Variants in CARS1 observed in about 807,000 individuals in gnomAD.
CARS1 encodes the protein cysteine--tRNA ligase, cytoplasmic.
Under a neutral mutation model 106.2 loss-of-function variants are expected in CARS1, and 48 were observed. The ratio of observed to expected loss-of-function variants is 0.45; its 90% CI spans 0.36 to 0.57. The LOEUF is 0.57. Ranked by LOEUF, CARS1 falls within the 20% of genes least tolerant of loss-of-function variation. The probability of loss-of-function intolerance (pLI) is 0.00; values close to 1 mark genes in which losing one functional copy is unlikely to be tolerated. For synonymous variants in CARS1, 409 were observed against 403.4 expected, an observed-to-expected ratio of 1.01 and a Z score of -0.17; for missense variants, 968 against 1,057.2, an observed-to-expected ratio of 0.92 and a Z score of 1.17.
In CARS1 at chr11:3,008,603, G is replaced by T. The variant is rs1360503652; in HGVS notation, c.2069-1644C>A. 1 of 148,030 alleles carries T rather than the reference G, an allele frequency of 6.8e-6. No homozygotes were observed. The highest frequency in any genetic ancestry group is 1.5e-5 in the Non-Finnish European group (1 of 67,488). The allele number at this position is 148,030 out of a possible 1,614,324, so 9.2% of individuals were successfully genotyped here. On this transcript the variant is annotated intron_variant, in intron 18 of 22. Coordinates refer to ENST00000380525, the MANE Select transcript of CARS1 (RefSeq NM_001014437.3). The surrounding 1 kb of genome is among the most constrained non-coding windows in gnomAD (Gnocchi z 5.1). The stretch of plus-strand genomic sequence containing the variant: ...CACTGCACTCCAGCCTAGCGACAGG[G>T]CAAGACTCCATCTCAAAAAAAAAAA...
At chr11:3,042,401 A>G in intron 2 of CARS1, 145 bp from the exon 3 acceptor site, 1 of 599,456 alleles carries the variant, frequency 1.7e-6, no homozygotes, top group South Asian at 2.0e-5. Flanking sequence ...AATCTCGGTC[A>G]ACATTACGCA....
At chr11:3,006,744 C>T in intron 19 of CARS1, 135 bp downstream of exon 19, 1 of 776,788 alleles carries the variant, frequency 1.3e-6, no homozygotes, top group Non-Finnish European at 2.3e-6. Context: ...CGCCGGGGGA[C>T]CCATGGGGCT....
Position 3,034,517 on chromosome 11 carries a change from G to A in CARS1, c.801+3533C>T, listed in dbSNP as rs1396928361. ...ATTACAGGCGTGACCCACTGCGCCT[G>A]GCCGGGAATGGGTAAAATTTTTTTT... On this transcript the variant is annotated intron_variant, in intron 7 of 22. Transcript: ENST00000380525. The surrounding 1 kb of genome is among the most constrained non-coding windows in gnomAD (Gnocchi z 6.3). Among the ~76,000 whole-genome samples the A allele has an allele frequency of 6.6e-6, 1 of 150,758 alleles. No individual in the cohort carries two copies. The highest frequency in any genetic ancestry group is 2.4e-5 in the African/African-American group (1 of 40,884).
At position 3,037,935 on chromosome 11, in the gene CARS1, A is replaced by G; in HGVS notation, c.801+115T>C. The stretch of plus-strand genomic sequence containing the variant: ...CTGCCACAGTGGAGCTACTGGAGAC[A>G]CAGAGTGTCTTCCACTAAGACAATC... On this transcript the variant is annotated intron_variant, in intron 7 of 22. Coordinates refer to ENST00000380525, the MANE Select transcript of CARS1 (RefSeq NM_001014437.3). This position sits in a 1 kb window ranked among gnomAD's most constrained non-coding sequence, Gnocchi z 5.9. The G allele has an allele frequency of 9.2e-7, 1 of 1,092,114 alleles. No individual in the cohort carries two copies. The highest frequency in any genetic ancestry group is 1.3e-6 in the Non-Finnish European group (1 of 761,436). The allele number at this position is 1,092,114 out of a possible 1,614,324, so 67.7% of individuals were successfully genotyped here.
In CARS1 at chr11:3,043,335, G is replaced by A. The variant is rs1173991778; in HGVS notation, c.275-1079C>T. Among the ~76,000 whole-genome samples, 1 of 152,016 alleles carries A rather than the reference G, an allele frequency of 6.6e-6. No individual in the cohort carries two copies. The highest frequency in any genetic ancestry group is 1.9e-4 in the East Asian group (1 of 5,178). Reference sequence around the variant, plus strand: ...TCAATCTGGCAAAGCTAGGTGTGGAGGACGGTACCTGGTGACTTTCCCGTT... The same window carrying A: ...TCAATCTGGCAAAGCTAGGTGTGGAAGACGGTACCTGGTGACTTTCCCGTT... On this transcript the variant is annotated intron_variant, in intron 2 of 22. Transcript: ENST00000380525. This position sits in a 1 kb window ranked among gnomAD's most constrained non-coding sequence, Gnocchi z 4.0.
intron 10 of CARS1, among the ~76,000 whole-genome samples, chr11:3,026,443 G>A (rs1325453621): frequency 1.3e-5 from 2 of 152,272 alleles, no homozygotes; most frequent in African/African-American, 2.4e-5. Flanking sequence ...GACATCACAT[G>A]TTCCCCATAA....
intron 7 of CARS1, among the ~76,000 whole-genome samples, chr11:3,032,197 C>A (rs1450694231): frequency 6.6e-6 from 1 of 151,690 alleles, no homozygotes; most frequent in African/African-American, 2.4e-5. Context: ...CTCAGCCTCC[C>A]GAGTAGAAGG....
rs148488935 is a variant in CARS1 at position 3,015,838 on chromosome 11, G to A, written c.1929C>T (p.Ala643=). 44 of 1,613,940 alleles carry A rather than the reference G, an allele frequency of 2.7e-5. No homozygotes were observed. The highest frequency in any genetic ancestry group is 2.7e-4 in the Admixed American group (16 of 60,004). ...ATCCCAGGGAGCTGTCCTCTTCTAC[G>A]GCCCCAAAGATCTAGGAAAAGAAAC... The part of the protein sequence containing the change: ...YLTHMLKIFG[A]VEEDSSLGFP... Residue 643 remains alanine, a synonymous_variant, in exon 17 of 23, where the codon GCC becomes GCT. Transcript: ENST00000380525.
chr11:3,038,360 A>T lies in CARS1; in HGVS notation c.652-161T>A, dbSNP rs556698203. Among the ~76,000 whole-genome samples, 21 of 152,326 alleles carry T rather than the reference A, an allele frequency of 1.4e-4. No homozygotes were observed. Among genetic ancestry groups the T allele is most frequent in the African/African-American group, 4.8e-4 (20 of 41,568 alleles). On this transcript the variant is annotated intron_variant, in intron 6 of 22. Transcript: ENST00000380525. This position sits in a 1 kb window ranked among gnomAD's most constrained non-coding sequence, Gnocchi z 4.0. ...GCCAGGCAGTAAGGAACTAAGAGAG[A>T]CTGAAGCTCCCGGCTCAGGAGCTCC...
At position 3,052,829 on chromosome 11, in the gene CARS1, G is replaced by C. The variant is rs577335508; in HGVS notation, c.25+4514C>G. On this transcript the variant is annotated intron_variant, in intron 1 of 22. Transcript: ENST00000380525. The surrounding 1 kb of genome is among the most constrained non-coding windows in gnomAD (Gnocchi z 4.6). ...TCAGTCTGATGCTGAGATCAGATGAGAACACTTCTGAGCAGACTGAAAACC... is the reference window on the plus strand; with the variant it reads ...TCAGTCTGATGCTGAGATCAGATGACAACACTTCTGAGCAGACTGAAAACC... Among the ~76,000 whole-genome samples, 1 of 152,348 alleles carries C rather than the reference G, an allele frequency of 6.6e-6. No individual in the cohort carries two copies. Among genetic ancestry groups the C allele is most frequent in the Non-Finnish European group, 1.5e-5 (1 of 68,030 alleles).
At position 3,048,731 on chromosome 11, in the gene CARS1, C is replaced by T. The variant is rs915357567; in HGVS notation, c.26-730G>A. 1.3e-5 allele frequency among the ~76,000 whole-genome samples: 2 copies of T among 152,192 alleles called. No homozygotes were observed. The highest frequency in any genetic ancestry group is 2.9e-5 in the Non-Finnish European group (2 of 68,028). ...TAGCATGGCTTCTGCAGGTCAAGGC[C>T]ACAGCCTCAGGAGGACTGGGCCCCC... is the stretch of plus-strand genomic sequence containing the variant. On this transcript the variant is annotated intron_variant, in intron 1 of 22. Coordinates refer to ENST00000380525, the MANE Select transcript of CARS1 (RefSeq NM_001014437.3). This position sits in a 1 kb window ranked among gnomAD's most constrained non-coding sequence, Gnocchi z 5.1.
Position 3,028,597 on chromosome 11 carries a change from C to T in CARS1, c.1031+399G>A, listed in dbSNP as rs933699885. On this transcript the variant is annotated intron_variant, in intron 9 of 22. Transcript: ENST00000380525. This position sits in a 1 kb window ranked among gnomAD's most constrained non-coding sequence, Gnocchi z 4.4. ...AAAAGTCACTAAAATCATAGCCAAG[C>T]GATAGATGCTGATGAAATGCATCCT... is the stretch of plus-strand genomic sequence containing the variant. 2.2e-5 allele frequency: 6 copies of T among 271,372 alleles called. No homozygotes were observed. The highest frequency in any genetic ancestry group is 1.1e-3 in the Middle Eastern group (1 of 900). The allele number at this position is 271,372 out of a possible 1,614,324, so 16.8% of individuals were successfully genotyped here.
intron 1 of CARS1, among the ~76,000 whole-genome samples, chr11:3,055,939 G>A (rs112712181): frequency 6.6e-6 from 1 of 152,204 alleles, no homozygotes; most frequent in Non-Finnish European, 1.5e-5. Context: ...GGCCCTTCCA[G>A]GGTGGTTCCA....
Position 3,039,865 on chromosome 11 carries a change from A to G in CARS1, c.522T>C (p.Tyr174=), listed in dbSNP as rs1854192674. 2 of 1,580,820 alleles carry G rather than the reference A, an allele frequency of 1.3e-6. No individual in the cohort carries two copies. Among genetic ancestry groups the G allele is most frequent in the Admixed American group, 1.8e-5 (1 of 55,910 alleles). Residue 174 remains tyrosine, a synonymous_variant, in exon 5 of 23, where the codon TAT becomes TAC. Transcript: ENST00000380525. This position sits in a 1 kb window ranked among gnomAD's most constrained non-coding sequence, Gnocchi z 5.6. ...LKDYFKFDVF[Y]CMNITDIDDK... is the part of the protein sequence containing the mutation. ...CATCAATATCCGTAATGTTCATGCA[A>G]TAAAAGACATCAAATTTGAAGTAAT...
chr11:3,054,497 G>A (rs940466030), intron 1 of CARS1, among the ~76,000 whole-genome samples: 1 of 152,214 alleles, frequency 6.6e-6, no homozygotes, highest in Non-Finnish European at 1.5e-5. Flanking sequence ...GGAAAACATC[G>A]AAGGGCATCA....
intron 1 of CARS1, among the ~76,000 whole-genome samples, chr11:3,056,486 G>C (rs139649288): frequency 9.7e-4 from 148 of 152,316 alleles, no homozygotes; most frequent in African/African-American, 3.5e-3. Flanking sequence ...TGAGTGACTG[G>C]GGGAGCTGAC....
intron 17 of CARS1, 29 bp downstream of exon 17, chr11:3,015,752 C>A: frequency 1.9e-6 from 3 of 1,604,522 alleles, no homozygotes; most frequent in Non-Finnish European, 1.7e-6. Flanking sequence ...GGAGCAGGTG[C>A]AGAAGGCAGG....
chr11:3,003,258 A>C lies in CARS1; in HGVS notation c.2218-658T>G, dbSNP rs1849559950. Reference sequence around the variant, plus strand: ...AACAGACATGCCCTCCACTGACGGAAAAGGAGCAAGTTTGGGGAGTTGAAA... The same window carrying C: ...AACAGACATGCCCTCCACTGACGGACAAGGAGCAAGTTTGGGGAGTTGAAA... On this transcript the variant is annotated intron_variant, in intron 20 of 22. Coordinates refer to ENST00000380525, the MANE Select transcript of CARS1 (RefSeq NM_001014437.3). The surrounding 1 kb of genome is among the most constrained non-coding windows in gnomAD (Gnocchi z 4.8). 2.0e-5 allele frequency among the ~76,000 whole-genome samples: 3 copies of C among 152,342 alleles called. No individual in the cohort carries two copies. Among genetic ancestry groups the C allele is most frequent in the African/African-American group, 4.8e-5 (2 of 41,570 alleles).
rs1031623359 is a variant in CARS1, at chr11:3,044,632, T to C, written c.275-2376A>G. ...GGCTGGTCTCAAACTCCTGACCTTG[T>C]GATCTGCCTGCCTTGGCCTCCTAAA... On this transcript the variant is annotated intron_variant, in intron 2 of 22. Transcript: ENST00000380525. The surrounding 1 kb of genome is among the most constrained non-coding windows in gnomAD (Gnocchi z 4.4). Among the ~76,000 whole-genome samples the C allele has an allele frequency of 6.6e-6, 1 of 152,172 alleles. No homozygotes were observed. Among genetic ancestry groups the C allele is most frequent in the Non-Finnish European group, 1.5e-5 (1 of 68,020 alleles).
Sources: gnomAD v4.1 joint callset for allele counts (sites outside exome capture counted in the v4.1 genomes callset) on GRCh38, gnomAD v4.1.1 for gene constraint, Gnocchi (gnomAD v3.1) non-coding constraint, MANE v1.5 for transcripts, NCBI Gene and HGNC (gene_info 2026-07-23, HGNC 2026-07-21) for gene names.